DACH1: variants seen among roughly 807,000 people sequenced by gnomAD.
DACH1 encodes the protein dachshund family transcription factor 1.
In DACH1, 12 loss-of-function variants were observed where a neutral mutation model predicts 54.2. That is an observed-to-expected ratio of 0.22 (90% confidence interval 0.14 to 0.36). DACH1 has a LOEUF of 0.36. Ranked by LOEUF, DACH1 falls within the 10% of genes least tolerant of loss-of-function variation. DACH1 has a pLI of 1.00. For synonymous variants in DACH1, 386 were observed against 366.2 expected, an observed-to-expected ratio of 1.05 and a Z score of -0.62; for missense variants, 805 against 929.8, an observed-to-expected ratio of 0.87 and a Z score of 1.75.
At chr13:71,778,982 G>A (rs1364889216) in intron 1 of DACH1, among the ~76,000 whole-genome samples, 1 of 151,532 alleles carries the variant, frequency 6.6e-6, no homozygotes, top group East Asian at 1.9e-4. Context: ...AGCAAGATTT[G>A]AATGGCATTT....
chr13:71,534,110 T>C (rs1033744331), intron 6 of DACH1, among the ~76,000 whole-genome samples: 1 of 152,024 alleles, frequency 6.6e-6, no homozygotes. Flanking sequence ...AGCATTTCTG[T>C]GCAATATGAG....
chr13:71,677,931 G>A (rs1880669140), intron 2 of DACH1, among the ~76,000 whole-genome samples: 1 of 152,086 alleles, frequency 6.6e-6, no homozygotes, highest in African/African-American at 2.4e-5. Flanking sequence ...TGTTGGCCAG[G>A]ATGGTCTAGA....
intron 1 of DACH1, among the ~76,000 whole-genome samples, chr13:71,810,563 T>G (rs1454260866): frequency 6.6e-6 from 1 of 152,126 alleles, no homozygotes; most frequent in African/African-American, 2.4e-5. Flanking sequence ...AGATATACAG[T>G]GAACTCAGGT....
chr13:71,834,414 C>A (rs188582680), intron 1 of DACH1, among the ~76,000 whole-genome samples: 6 of 152,096 alleles, frequency 3.9e-5, no homozygotes, highest in Admixed American at 3.9e-4. Flanking sequence ...TCATATAACA[C>A]GCCCGTGAAG....
At chr13:71,595,807 A>T (rs1462491765) in intron 3 of DACH1, among the ~76,000 whole-genome samples, 1 of 151,960 alleles carries the variant, frequency 6.6e-6, no homozygotes. Context: ...ATTCATTAGG[A>T]CTCTACCCTC....
chr13:71,726,845 G>C (rs1421271717), intron 1 of DACH1, among the ~76,000 whole-genome samples: 1 of 151,592 alleles, frequency 6.6e-6, no homozygotes, highest in African/African-American at 2.4e-5. Flanking sequence ...ATATTTTTTA[G>C]TAAAGTTTTA....
At chr13:71,809,708 G>A (rs1271953282) in intron 1 of DACH1, among the ~76,000 whole-genome samples, 2 of 152,136 alleles carry the variant, frequency 1.3e-5, no homozygotes, top group Non-Finnish European at 2.9e-5. Context: ...CACAGCAAAT[G>A]TATGTGCTCA....
At chr13:71,626,875 A>G (rs567203902) in intron 3 of DACH1, among the ~76,000 whole-genome samples, 84 of 152,180 alleles carry the variant, frequency 5.5e-4, no homozygotes, top group Middle Eastern at 6.8e-3. Flanking sequence ...ATATGAACTG[A>G]CAGGTCACCT....
intron 3 of DACH1, among the ~76,000 whole-genome samples, chr13:71,614,777 T>C (rs953971457): frequency 6.9e-6 from 1 of 145,880 alleles, no homozygotes; most frequent in Admixed American, 7.2e-5. Flanking sequence ...TTACTTGAGC[T>C]CAGCAGGTCA....
At chr13:71,662,319 T>C (rs1220385936) in intron 2 of DACH1, among the ~76,000 whole-genome samples, 1 of 152,192 alleles carries the variant, frequency 6.6e-6, no homozygotes, top group Admixed American at 6.5e-5. Context: ...TACATGCTTT[T>C]TTAAAAATCA....
chr13:71,803,497 G>A (rs1887369458), intron 1 of DACH1, among the ~76,000 whole-genome samples: 1 of 152,092 alleles, frequency 6.6e-6, no homozygotes, highest in African/African-American at 2.4e-5. Flanking sequence ...ATTTGCCCAT[G>A]ATTGTAAATT....
chr13:71,568,919 A>C (rs1002524564), intron 4 of DACH1, among the ~76,000 whole-genome samples: 4 of 152,072 alleles, frequency 2.6e-5, no homozygotes, highest in African/African-American at 9.7e-5. Context: ...AATTGTGCAT[A>C]TATCCACACA....
chr13:71,687,905 A>C lies in DACH1; in HGVS notation c.849-5995T>G, dbSNP rs553740467. Among the ~76,000 whole-genome samples, 4 of 152,304 alleles carry C rather than the reference A, an allele frequency of 2.6e-5. No homozygotes were observed. The South Asian group carries it at 8.3e-4, about 32-fold the overall frequency. On this transcript the variant is annotated intron_variant, in intron 1 of 10. Transcript: ENST00000613252. ...ATTACAGTGTGAGCCACCGCACCCC[A>C]ACATAAAACAAACTTTTAAAACTAA...
chr13:71,476,309 A>C (rs1328266619), intron 8 of DACH1, among the ~76,000 whole-genome samples: 2 of 152,172 alleles, frequency 1.3e-5, no homozygotes, highest in Non-Finnish European at 2.9e-5. Context: ...TCTCCCCTAA[A>C]AACGCTTTGG....
chr13:71,864,777 A>T (rs1874606231), intron 1 of DACH1, among the ~76,000 whole-genome samples: 1 of 135,508 alleles, frequency 7.4e-6, no homozygotes. Context: ...TCCCCCACTG[A>T]GCGTTCATTA....
intron 6 of DACH1, among the ~76,000 whole-genome samples, chr13:71,527,583 A>C (rs1300023109): frequency 6.6e-6 from 1 of 152,212 alleles, no homozygotes; most frequent in Non-Finnish European, 1.5e-5. Flanking sequence ...TCGGTCCTTC[A>C]TCATTGAACA....
At chr13:71,644,965 T>C (rs966325802) in intron 2 of DACH1, among the ~76,000 whole-genome samples, 3 of 151,936 alleles carry the variant, frequency 2.0e-5, no homozygotes, top group Non-Finnish European at 2.9e-5. Context: ...CCATCTAACC[T>C]GAATCATGAA....
chr13:71,628,743 C>T (rs1338369230), intron 3 of DACH1, among the ~76,000 whole-genome samples: 2 of 152,012 alleles, frequency 1.3e-5, no homozygotes, highest in Non-Finnish European at 2.9e-5. Flanking sequence ...GGTTAGTAGG[C>T]AAATATTGTC....
chr13:71,525,221 G>A (rs1014289435), intron 6 of DACH1, among the ~76,000 whole-genome samples: 1 of 152,116 alleles, frequency 6.6e-6, no homozygotes, highest in African/African-American at 2.4e-5. Context: ...TGAGATCGTT[G>A]AGAGCAAAAC....
Sources: allele counts gnomAD v4.1 joint callset (sites outside exome capture counted in the v4.1 genomes callset), GRCh38; gene constraint gnomAD v4.1.1; transcripts MANE v1.5; gene names NCBI Gene and HGNC (gene_info 2026-07-23, HGNC 2026-07-21).